BMPR1B: variants seen among roughly 807,000 people sequenced by gnomAD.
BMPR1B encodes bone morphogenetic protein receptor type 1B.
Under a neutral mutation model 59.1 loss-of-function variants are expected in BMPR1B, and 12 were observed. The observed-to-expected ratio is 0.20, with a 90% CI of 0.13 to 0.33. The LOEUF is 0.33. BMPR1B is among the 10% of genes least tolerant of loss of function. The pLI is 1.00. For synonymous variants in BMPR1B, 237 were observed against 207.3 expected, an observed-to-expected ratio of 1.14 and a Z score of -1.23; for missense variants, 550 against 610.9, an observed-to-expected ratio of 0.90 and a Z score of 1.05.
chr4:94,977,664 C>G (rs1731081707), intron 2 of BMPR1B, among the ~76,000 whole-genome samples: 1 of 152,058 alleles, frequency 6.6e-6, no homozygotes, highest in African/African-American at 2.4e-5. Context: ...TGAGACCAGC[C>G]TGGCCAACAT....
At chr4:95,084,073 G>A (rs1745596426) in intron 3 of BMPR1B, among the ~76,000 whole-genome samples, 2 of 151,814 alleles carry the variant, frequency 1.3e-5, no homozygotes, top group South Asian at 2.1e-4. Flanking sequence ...AGTCACTAAC[G>A]TAAACTCAAA....
rs563015921 is a variant in BMPR1B at position 94,843,289 on chromosome 4, C to T, written c.-182-32542C>T. ...AGGTAAATTTGTGGAAGTTTATTAT[C>T]AAAACAATTTGTGGTGATACTGTTC... is the stretch of plus-strand genomic sequence containing the variant. On this transcript the variant is annotated intron_variant, in intron 1 of 12. Transcript: ENST00000515059. Among the ~76,000 whole-genome samples the T allele has an allele frequency of 1.1e-4, 17 of 152,214 alleles. No individual in the cohort carries two copies. The East Asian group carries it at 2.9e-3, about 26-fold the overall frequency.
chr4:95,027,852 A>G (rs1233058577), intron 3 of BMPR1B, among the ~76,000 whole-genome samples: 1 of 152,118 alleles, frequency 6.6e-6, no homozygotes, highest in Non-Finnish European at 1.5e-5. Context: ...TCTGTGTATT[A>G]CTGTCTAGTT....
chr4:94,988,236 AAATTG>A (rs1273033058), intron 2 of BMPR1B, among the ~76,000 whole-genome samples: 1 of 152,106 alleles, frequency 6.6e-6, no homozygotes, highest in South Asian at 2.1e-4. Context: ...GGAGAAAAAG[AAATTG>A]AAGTACTGAT....
chr4:95,032,978 C>G (rs1267099270), intron 3 of BMPR1B, among the ~76,000 whole-genome samples: 1 of 152,140 alleles, frequency 6.6e-6, no homozygotes. Context: ...CACATTCTTA[C>G]CAACACTTGT....
chr4:94,787,618 C>G (rs1390460962), intron 1 of BMPR1B, among the ~76,000 whole-genome samples: 1 of 152,130 alleles, frequency 6.6e-6, no homozygotes, highest in Admixed American at 6.5e-5. Context: ...CAGGTTTGAC[C>G]ACAAAAATGA....
At chr4:94,794,076 G>T (rs1226072425) in intron 1 of BMPR1B, among the ~76,000 whole-genome samples, 2 of 150,778 alleles carry the variant, frequency 1.3e-5, no homozygotes, top group African/African-American at 2.5e-5. Flanking sequence ...TGGTGTTTTA[G>T]ACATGAAGTC....
intron 3 of BMPR1B, among the ~76,000 whole-genome samples, chr4:94,998,870 C>G (rs769315920): frequency 6.6e-6 from 1 of 152,182 alleles, no homozygotes; most frequent in Non-Finnish European, 1.5e-5. Flanking sequence ...CTGTATCTCT[C>G]TTGCCCATCC....
intron 10 of BMPR1B, among the ~76,000 whole-genome samples, chr4:95,147,575 A>AT (rs1035010046): frequency 1.3e-4 from 20 of 152,334 alleles, no homozygotes; most frequent in African/African-American, 4.8e-4. Context: ...AAAAGCAAAA[A>AT]AAAAAATTGT....
intron 3 of BMPR1B, among the ~76,000 whole-genome samples, chr4:95,004,300 C>G (rs1438490180): frequency 1.3e-5 from 2 of 152,174 alleles, no homozygotes; most frequent in African/African-American, 4.8e-5. Flanking sequence ...TTGAATCACT[C>G]TGCCCTTTGT....
Position 94,770,182 on chromosome 4 carries a change from G to GTTTTTTTTTTTTTT in BMPR1B, c.-183+12117_-183+12118insTTTTTTTTTTTTTT, listed in dbSNP as rs1215939344. Among the ~76,000 whole-genome samples the GTTTTTTTTTTTTTT allele has an allele frequency of 1.8e-3, 73 of 39,938 alleles. 2 individuals carry two copies. The highest frequency in any genetic ancestry group is 4.7e-3 in the South Asian group (6 of 1,288). The allele number at this position is 39,938 out of a possible 152,430, so 26.2% of individuals were successfully genotyped here. A position where few individuals can be genotyped will look rare whatever the true frequency, so the allele number is the denominator to read the frequency against. ...TGTTTGAATTGTCCTTCGTTTCTGT[G>GTTTTTTTTTTTTTT]TTTGTTTTTTTTTTTTTTTTTTGCG... is the stretch of plus-strand genomic sequence containing the variant. On this transcript the variant is annotated intron_variant, in intron 1 of 12. Transcript: ENST00000515059.
At chr4:95,050,768 A>G (rs114109807) in intron 3 of BMPR1B, among the ~76,000 whole-genome samples, 245 of 152,288 alleles carry the variant, frequency 1.6e-3, no homozygotes, top group African/African-American at 5.5e-3. Context: ...GTATTTGTCT[A>G]TGGTAGCATT....
intron 2 of BMPR1B, among the ~76,000 whole-genome samples, chr4:94,982,306 A>AG (rs1721130472): frequency 6.6e-6 from 1 of 151,940 alleles, no homozygotes. Flanking sequence ...CCTTTTTTTA[A>AG]AAAAAAACAA....
intron 3 of BMPR1B, among the ~76,000 whole-genome samples, chr4:95,043,386 A>G (rs1725811120): frequency 6.6e-6 from 1 of 152,008 alleles, no homozygotes; most frequent in African/African-American, 2.4e-5. Flanking sequence ...TTAATTAGCA[A>G]ATTTACTAAG....
chr4:94,917,668 G>A (rs1412883361), intron 2 of BMPR1B, among the ~76,000 whole-genome samples: 2 of 152,136 alleles, frequency 1.3e-5, no homozygotes, highest in Non-Finnish European at 2.9e-5. Context: ...GTAGGCAGAA[G>A]GGCTTTGCCT....
intron 3 of BMPR1B, among the ~76,000 whole-genome samples, chr4:95,040,937 G>T (rs975751826): frequency 1.3e-5 from 2 of 152,026 alleles, no homozygotes; most frequent in African/African-American, 4.8e-5. Flanking sequence ...GTGCTGCCTC[G>T]CTGTACCTCC....
chr4:94,999,073 A>G (rs1018577880), intron 3 of BMPR1B, among the ~76,000 whole-genome samples: 10 of 152,172 alleles, frequency 6.6e-5, no homozygotes, highest in African/African-American at 2.2e-4. Context: ...AGACTCTGTG[A>G]CTTGGCCTCC....
intron 2 of BMPR1B, among the ~76,000 whole-genome samples, chr4:94,984,176 A>G (rs936772707): frequency 3.9e-5 from 6 of 152,192 alleles, no homozygotes; most frequent in African/African-American, 1.4e-4. Context: ...CTTCCAACTG[A>G]TATGTGGCTT....
rs373343273 is a variant in BMPR1B, at chr4:95,111,760, G to A, written c.144-2960G>A. On this transcript the variant is annotated intron_variant, in intron 4 of 12. Transcript: ENST00000515059. ...ATGATTTTTCTAGATGTTCCTTCTA[G>A]ACAGTCCTTTGCTTTTGGAATATTT... Among the ~76,000 whole-genome samples the A allele has an allele frequency of 3.9e-5, 6 of 152,144 alleles. No homozygotes were observed. In the South Asian group the frequency reaches 1.2e-3, roughly 32 times the overall value.
Sources: allele counts gnomAD v4.1 joint callset (sites outside exome capture counted in the v4.1 genomes callset), GRCh38; gene constraint gnomAD v4.1.1; transcripts MANE v1.5; gene names NCBI Gene and HGNC (gene_info 2026-07-23, HGNC 2026-07-21).